Variants in LRP1B observed in about 807,000 individuals in gnomAD.
LRP1B encodes the protein LDL receptor related protein 1B.
LRP1B carries 217 observed loss-of-function variants against 556.6 expected under a neutral mutation model. The observed-to-expected ratio is 0.39, with a 90% CI of 0.35 to 0.44. LRP1B has a LOEUF of 0.44. Among genes scored for constraint, LRP1B ranks in the 20% least tolerant of loss-of-function variants. LRP1B has a pLI of 1.00. For synonymous variants in LRP1B, 2,047 were observed against 1,865.8 expected, an observed-to-expected ratio of 1.10 and a Z score of -2.50; for missense variants, 5,053 against 5,620.8, an observed-to-expected ratio of 0.90 and a Z score of 3.23.
At chr2:141,083,294 A>C (rs906139143) in intron 7 of LRP1B, among the ~76,000 whole-genome samples, 3 of 152,076 alleles carry the variant, frequency 2.0e-5, no homozygotes, top group Non-Finnish European at 2.9e-5. Context: ...AAACATGGAG[A>C]AGGCATAAAA....
intron 2 of LRP1B, among the ~76,000 whole-genome samples, chr2:141,566,591 G>A (rs968740612): frequency 1.3e-5 from 2 of 152,242 alleles, no homozygotes; most frequent in East Asian, 1.9e-4. Flanking sequence ...CATGTGAAAC[G>A]TGACTATCTA....
At chr2:141,976,591 A>G (rs1281651156) in intron 1 of LRP1B, among the ~76,000 whole-genome samples, 3 of 152,166 alleles carry the variant, frequency 2.0e-5, no homozygotes, top group African/African-American at 7.2e-5. Context: ...CAAAGAGCAT[A>G]TATTGTAAAT....
intron 20 of LRP1B, among the ~76,000 whole-genome samples, chr2:140,943,194 T>A (rs1456536777): frequency 2.0e-5 from 3 of 152,092 alleles, no homozygotes; most frequent in African/African-American, 7.2e-5. Flanking sequence ...AAGAAGGGCA[T>A]TACATAATGA....
At chr2:140,715,943 T>C (rs1258074960) in intron 37 of LRP1B, 30 bp downstream of exon 37, 2 of 1,503,892 alleles carry the variant, frequency 1.3e-6, no homozygotes, top group Non-Finnish European at 1.8e-6. Context: ...CACATAAAAC[T>C]TGGAAGATAT....
intron 32 of LRP1B, 88 bp downstream of exon 32, chr2:140,813,569 C>A (rs776250195): frequency 8.9e-7 from 1 of 1,121,068 alleles, no homozygotes; most frequent in Admixed American, 2.0e-5. Flanking sequence ...GTTAGTGGAG[C>A]AGTAACTTTC....
chr2:141,777,012 T>C (rs1041975942), intron 2 of LRP1B, among the ~76,000 whole-genome samples: 1 of 152,072 alleles, frequency 6.6e-6, no homozygotes, highest in African/African-American at 2.4e-5. Flanking sequence ...AAACCAAGAG[T>C]GGAGTTCAAA....
chr2:140,771,301 T>A (rs1030534917), intron 33 of LRP1B, among the ~76,000 whole-genome samples: 1 of 152,138 alleles, frequency 6.6e-6, no homozygotes, highest in African/African-American at 2.4e-5. Context: ...TATTTTAAGA[T>A]CAGAGAAACC....
Position 141,572,343 on chromosome 2 carries a change from G to A in LRP1B, c.206-91810C>T, listed in dbSNP as rs189505086. Among the ~76,000 whole-genome samples the A allele has an allele frequency of 5.5e-3, 836 of 152,220 alleles. 8 individuals carry two copies. The highest frequency in any genetic ancestry group is 7.5e-3 in the Non-Finnish European group (507 of 68,000). ...TCCAGCCAAACTAAGCTTTATAAGC[G>A]AAGGAGAAATAAAATCATTTCCAGA... is the stretch of plus-strand genomic sequence containing the variant. On this transcript the variant is annotated intron_variant, in intron 2 of 90. Transcript: ENST00000389484.
At chr2:142,045,727 T>C (rs894491358) in intron 1 of LRP1B, among the ~76,000 whole-genome samples, 2 of 151,942 alleles carry the variant, frequency 1.3e-5, no homozygotes, top group African/African-American at 2.4e-5. Context: ...CATGCAAATA[T>C]GATCTAATTG....
chr2:141,622,981 T>C (rs948246398), intron 2 of LRP1B, among the ~76,000 whole-genome samples: 1 of 152,200 alleles, frequency 6.6e-6, no homozygotes, highest in African/African-American at 2.4e-5. Flanking sequence ...TCAGTTCCAA[T>C]GATGCTGATT....
intron 35 of LRP1B, among the ~76,000 whole-genome samples, chr2:140,722,478 T>C (rs969268766): frequency 2.6e-5 from 4 of 152,332 alleles, no homozygotes; most frequent in Admixed American, 2.0e-4. Flanking sequence ...ATTGTTGAAC[T>C]CTACTCTCCC....
intron 32 of LRP1B, among the ~76,000 whole-genome samples, chr2:140,785,282 C>T (rs116383489): frequency 5.9e-5 from 9 of 152,194 alleles, no homozygotes; most frequent in Non-Finnish European, 8.8e-5. Flanking sequence ...CTGCTGGAAG[C>T]TGTACTTCAC....
intron 2 of LRP1B, among the ~76,000 whole-genome samples, chr2:141,539,240 A>C (rs976673807): frequency 3.9e-5 from 6 of 152,098 alleles, no homozygotes; most frequent in African/African-American, 1.4e-4. Flanking sequence ...ATAGTACTAC[A>C]GTGGTGCCGG....
chr2:141,713,653 G>C (rs1430848621), intron 2 of LRP1B, among the ~76,000 whole-genome samples: 2 of 152,036 alleles, frequency 1.3e-5, no homozygotes, highest in African/African-American at 4.8e-5. Context: ...TTAGAATAAA[G>C]CCACCCAAAT....
intron 25 of LRP1B, among the ~76,000 whole-genome samples, chr2:140,879,415 TA>T (rs1293251883): frequency 6.6e-5 from 10 of 152,198 alleles, no homozygotes; most frequent in Non-Finnish European, 1.2e-4. Flanking sequence ...GCAGTGTTAG[TA>T]TACTTCTATG....
At chr2:141,442,882 A>G (rs920584277) in intron 3 of LRP1B, among the ~76,000 whole-genome samples, 3 of 152,188 alleles carry the variant, frequency 2.0e-5, no homozygotes, top group Admixed American at 6.5e-5. Flanking sequence ...TACTGCTGCA[A>G]TAAACATATA....
intron 43 of LRP1B, among the ~76,000 whole-genome samples, chr2:140,574,851 A>G (rs1681458920): frequency 6.6e-6 from 1 of 152,210 alleles, no homozygotes; most frequent in South Asian, 2.1e-4. Context: ...ATTAACCAAT[A>G]TTTCTCAATG....
intron 23 of LRP1B, among the ~76,000 whole-genome samples, chr2:140,889,046 G>A (rs994539928): frequency 6.6e-6 from 1 of 151,074 alleles, no homozygotes; most frequent in African/African-American, 2.4e-5. Flanking sequence ...CCGATCTAAT[G>A]TGAAAAAAAG....
chr2:141,585,205 G>T (rs1687094551), intron 2 of LRP1B, among the ~76,000 whole-genome samples: 1 of 151,958 alleles, frequency 6.6e-6, no homozygotes, highest in Non-Finnish European at 1.5e-5. Flanking sequence ...CAATTCTCTT[G>T]TAAACTGATA....
Sources: allele counts gnomAD v4.1 joint callset (sites outside exome capture counted in the v4.1 genomes callset), GRCh38; gene constraint gnomAD v4.1.1; transcripts MANE v1.5; gene names NCBI Gene and HGNC (gene_info 2026-07-23, HGNC 2026-07-21).